CTNND2: variants seen among roughly 807,000 people sequenced by gnomAD.
CTNND2 encodes the protein catenin delta 2.
Under a neutral mutation model 144.4 loss-of-function variants are expected in CTNND2, and 22 were observed. The ratio of observed to expected loss-of-function variants is 0.15; its 90% confidence interval spans 0.11 to 0.22. The LOEUF is 0.22. CTNND2 is among the 10% of genes least tolerant of loss of function. CTNND2 has a pLI of 1.00. For synonymous variants in CTNND2, 751 were observed against 695.6 expected (o/e 1.08, Z -1.25); for missense variants, 1,353 against 1,618.8 (o/e 0.84, Z 2.82).
chr5:11,559,440 C>G (rs371927326), intron 3 of CTNND2, among the ~76,000 whole-genome samples: 1 of 152,202 alleles, frequency 6.6e-6, no homozygotes. Flanking sequence ...CCACTTATAC[C>G]ACATAAAATG....
intron 1 of CTNND2, among the ~76,000 whole-genome samples, chr5:11,864,888 T>A (rs1476421139): frequency 0.013 from 26 of 1,974 alleles, no homozygotes; most frequent in African/African-American, 0.017. Context: ...TCTTCCTTTT[T>A]TTTTTTTTTT....
intron 1 of CTNND2, among the ~76,000 whole-genome samples, chr5:11,895,813 CA>C (rs1244206204): frequency 2.0e-5 from 3 of 152,020 alleles, no homozygotes; most frequent in African/African-American, 4.8e-5. Context: ...AGATAATTCA[CA>C]AAAAAATTAG....
At chr5:11,400,382 C>A (rs1760535304) in intron 5 of CTNND2, among the ~76,000 whole-genome samples, 1 of 152,118 alleles carries the variant, frequency 6.6e-6, no homozygotes, top group Admixed American at 6.5e-5. Context: ...CCACAGAGAG[C>A]AGAAGCCATG....
chr5:11,334,563 A>T (rs972254476), intron 9 of CTNND2, among the ~76,000 whole-genome samples: 3 of 152,220 alleles, frequency 2.0e-5, no homozygotes, highest in Admixed American at 6.5e-5. Context: ...CAAGTGAAAG[A>T]CTGGACGCCC....
chr5:11,499,761 C>CA (rs1192600515), intron 3 of CTNND2, among the ~76,000 whole-genome samples: 1 of 152,038 alleles, frequency 6.6e-6, no homozygotes, highest in Admixed American at 6.5e-5. Context: ...AGTCAGAATC[C>CA]AAAAAATCTG....
chr5:11,481,399 A>G (rs1208672319), intron 3 of CTNND2, among the ~76,000 whole-genome samples: 1 of 152,136 alleles, frequency 6.6e-6, no homozygotes. Flanking sequence ...TAGTAACAAT[A>G]AAATAAAAGA....
At chr5:11,567,236 T>C (rs909595471) in intron 2 of CTNND2, among the ~76,000 whole-genome samples, 1 of 152,018 alleles carries the variant, frequency 6.6e-6, no homozygotes, top group Non-Finnish European at 1.5e-5. Context: ...CTGCTCAGTA[T>C]ATAGTGTTTC....
chr5:11,391,890 T>C (rs181357816), intron 6 of CTNND2, among the ~76,000 whole-genome samples: 103 of 152,302 alleles, frequency 6.8e-4, no homozygotes, highest in Admixed American at 1.9e-3. Flanking sequence ...CACAACAAAC[T>C]GAACTTAAGT....
intron 1 of CTNND2, among the ~76,000 whole-genome samples, chr5:11,791,677 T>G (rs1791143459): frequency 6.6e-6 from 1 of 152,196 alleles, no homozygotes; most frequent in Non-Finnish European, 1.5e-5. Flanking sequence ...CCAATGTAAT[T>G]TTGCTATGAA....
intron 1 of CTNND2, among the ~76,000 whole-genome samples, chr5:11,762,345 GA>G (rs1348458758): frequency 1.3e-5 from 2 of 152,096 alleles, no homozygotes; most frequent in Non-Finnish European, 2.9e-5. Flanking sequence ...ATAGAGCAGA[GA>G]ATAGAAACGT....
chr5:11,566,961 T>C (rs1447185272), intron 2 of CTNND2, among the ~76,000 whole-genome samples: 1 of 152,172 alleles, frequency 6.6e-6, no homozygotes, highest in Non-Finnish European at 1.5e-5. Flanking sequence ...GAGTTGTTAT[T>C]ATGGTGCAGT....
chr5:11,553,145 A>G (rs1339132527), intron 3 of CTNND2, among the ~76,000 whole-genome samples: 5 of 152,198 alleles, frequency 3.3e-5, no homozygotes, highest in Admixed American at 2.0e-4. Flanking sequence ...TACATATGTT[A>G]TTATTGCACT....
chr5:11,534,333 C>T (rs761621168), intron 3 of CTNND2, among the ~76,000 whole-genome samples: 5 of 151,576 alleles, frequency 3.3e-5, no homozygotes, highest in South Asian at 4.2e-4. Flanking sequence ...CCTGAGGGTG[C>T]GCCAGGTGAC....
At chr5:11,674,170 T>A (rs531993117) in intron 2 of CTNND2, among the ~76,000 whole-genome samples, 1 of 152,340 alleles carries the variant, frequency 6.6e-6, no homozygotes, top group East Asian at 1.9e-4. Context: ...GATACACCAG[T>A]AGACTTTAAA....
chr5:11,219,911 G>A (rs71599565), intron 10 of CTNND2, among the ~76,000 whole-genome samples: 2,287 of 152,206 alleles, frequency 0.015, 27 homozygotes, highest in Non-Finnish European at 0.022. Flanking sequence ...GGGTAGAGTT[G>A]TTCTAGCCTG....
intron 21 of CTNND2, among the ~76,000 whole-genome samples, chr5:10,974,558 C>T (rs1736214344): frequency 6.6e-6 from 1 of 152,182 alleles, no homozygotes; most frequent in Non-Finnish European, 1.5e-5. Flanking sequence ...CCTTTTCAAG[C>T]ACCTGCCCCT....
chr5:11,822,034 T>A (rs941213787), intron 1 of CTNND2, among the ~76,000 whole-genome samples: 2 of 152,164 alleles, frequency 1.3e-5, no homozygotes, highest in Non-Finnish European at 2.9e-5. Context: ...ATACACCCCA[T>A]CTATGTAGCA....
At chr5:11,146,801 G>A (rs1229932132) in intron 12 of CTNND2, among the ~76,000 whole-genome samples, 3 of 152,138 alleles carry the variant, frequency 2.0e-5, no homozygotes, top group South Asian at 2.1e-4. Flanking sequence ...AAATTGATGC[G>A]GTGGTTTCAT....
chr5:11,170,988 TG>T (rs760742209), intron 11 of CTNND2, among the ~76,000 whole-genome samples: 3 of 152,098 alleles, frequency 2.0e-5, no homozygotes, highest in Admixed American at 1.3e-4. Context: ...GAGAACAGTA[TG>T]GGAAAAACCT....
Sources: allele counts gnomAD v4.1 joint callset (sites outside exome capture counted in the v4.1 genomes callset), GRCh38; gene constraint gnomAD v4.1.1; transcripts MANE v1.5; gene names NCBI Gene and HGNC (gene_info 2026-07-23, HGNC 2026-07-21).